The following ZDHHC18 variants were observed in gnomAD, a reference collection of about 807,000 sequenced individuals.
ZDHHC18 encodes palmitoyltransferase ZDHHC18.
ZDHHC18 carries 23 observed loss-of-function variants against 37.5 expected under a neutral mutation model. The ratio of observed to expected loss-of-function variants is 0.61; its 90% CI spans 0.44 to 0.87. The LOEUF (loss-of-function observed/expected upper bound fraction) is 0.87, where lower values mean the gene tolerates loss of function less well. ZDHHC18 is among the 40% of genes least tolerant of loss of function. ZDHHC18 has a pLI of 0.00. For missense variants in ZDHHC18, 406 were observed against 525.6 expected, an observed-to-expected ratio of 0.77 and a Z score of 2.22; for synonymous variants, 185 against 218.7, an observed-to-expected ratio of 0.85 and a Z score of 1.36.
intron 1 of ZDHHC18, among the ~76,000 whole-genome samples, chr1:26,827,626 G>A (rs2081564660): frequency 6.6e-6 from 1 of 151,762 alleles, no homozygotes; most frequent in African/African-American, 2.4e-5. Context: ...TCCTTTGGCT[G>A]TGCACACCCA....
chr1:26,838,235 T>C (rs930765273), intron 2 of ZDHHC18, among the ~76,000 whole-genome samples: 2 of 152,032 alleles, frequency 1.3e-5, no homozygotes, highest in African/African-American at 4.8e-5. Flanking sequence ...CCTCCGGTGA[T>C]CCGCCCGCCT....
intron 2 of ZDHHC18, among the ~76,000 whole-genome samples, chr1:26,836,244 C>T (rs1570667975): frequency 6.6e-6 from 1 of 152,308 alleles, no homozygotes; most frequent in East Asian, 1.9e-4. Context: ...CGTCTCTCTC[C>T]ACTGCCATAC....
chr1:26,849,445 G>A (rs957300130), intron 3 of ZDHHC18, among the ~76,000 whole-genome samples: 3 of 152,216 alleles, frequency 2.0e-5, no homozygotes, highest in African/African-American at 7.2e-5. Flanking sequence ...TGCCAGCTCA[G>A]TACTCCCTAA....
At chr1:26,831,197 A>C (rs1322068773) in intron 1 of ZDHHC18, among the ~76,000 whole-genome samples, 1 of 152,234 alleles carries the variant, frequency 6.6e-6, no homozygotes, top group Non-Finnish European at 1.5e-5. Context: ...CAGAGTTGTC[A>C]AGGTAGGTCC....
intron 3 of ZDHHC18, among the ~76,000 whole-genome samples, chr1:26,849,247 A>G (rs1382258803): frequency 2.6e-5 from 4 of 152,208 alleles, no homozygotes; most frequent in East Asian, 3.8e-4. Context: ...GGATGTCACC[A>G]CTGGAAATGG....
In ZDHHC18 at chr1:26,851,237, T is replaced by A. The variant is rs1432556586; in HGVS notation, c.936+6T>A. ...ACCTGACTACTAATGAAGACGTGAG[T>A]AAACCTGGAGCCACCCCTCATTCTA... On this transcript the variant is annotated splice_donor_region_variant and intron_variant, in intron 6 of 7. Coordinates refer to ENST00000374142, the MANE Select transcript of ZDHHC18 (RefSeq NM_032283.3). 3.7e-6 allele frequency: 6 copies of A among 1,613,410 alleles called. No individual in the cohort carries two copies. The highest frequency in any genetic ancestry group is 5.1e-6 in the Non-Finnish European group (6 of 1,179,450).
At position 26,850,155 on chromosome 1, in the gene ZDHHC18, A is replaced by G; in HGVS notation, c.647-146A>G. 1 of 924,776 alleles carries G rather than the reference A, an allele frequency of 1.1e-6. No individual in the cohort carries two copies. Among genetic ancestry groups the G allele is most frequent in the East Asian group, 2.6e-5 (1 of 37,872 alleles). The allele number at this position is 924,776 out of a possible 1,614,324, so 57.3% of individuals were successfully genotyped here. On this transcript the variant is annotated intron_variant, in intron 3 of 7. Transcript: ENST00000374142. This position sits in a 1 kb window ranked among gnomAD's most constrained non-coding sequence, Gnocchi z 6.1. Reference sequence around the variant, plus strand: ...TGGGAACTGGTACACAAAGGACCAGAGGCAGGTGTGTCCAAGGCCTGGGAG... The same window carrying G: ...TGGGAACTGGTACACAAAGGACCAGGGGCAGGTGTGTCCAAGGCCTGGGAG...
At chr1:26,831,818 T>A (rs2081589832) in intron 1 of ZDHHC18, among the ~76,000 whole-genome samples, 1 of 152,180 alleles carries the variant, frequency 6.6e-6, no homozygotes, top group African/African-American at 2.4e-5. Flanking sequence ...CCCAGCCCTC[T>A]ACTCATTCTT....
chr1:26,848,811 G>A (rs562558557), intron 3 of ZDHHC18, 54 bp downstream of exon 3: 35 of 1,584,178 alleles, frequency 2.2e-5, no homozygotes, highest in Admixed American at 1.5e-4. Context: ...AGACTGAGTC[G>A]TGGGGATGGG....
intron 3 of ZDHHC18, among the ~76,000 whole-genome samples, chr1:26,849,703 G>A (rs1007215611): frequency 1.3e-5 from 2 of 152,380 alleles, no homozygotes; most frequent in Middle Eastern, 3.4e-3. Context: ...CTGTGATGCT[G>A]GCTGGCTGTG....
chr1:26,831,005 A>G (rs1366841146), intron 1 of ZDHHC18, among the ~76,000 whole-genome samples: 1 of 151,960 alleles, frequency 6.6e-6, no homozygotes, highest in Non-Finnish European at 1.5e-5. Flanking sequence ...CTGGTCTCGA[A>G]CTCCTGACCT....
chr1:26,833,423 G>T (rs1430246450), intron 2 of ZDHHC18, among the ~76,000 whole-genome samples: 1 of 151,444 alleles, frequency 6.6e-6, no homozygotes, highest in Non-Finnish European at 1.5e-5. Context: ...GCTAGTTTAG[G>T]TCAGGTGGTC....
At chr1:26,834,522 G>C (rs1173409814) in intron 2 of ZDHHC18, among the ~76,000 whole-genome samples, 1 of 152,168 alleles carries the variant, frequency 6.6e-6, no homozygotes, top group Non-Finnish European at 1.5e-5. Flanking sequence ...CTTGACCCCA[G>C]TTGGGCCAGG....
intron 2 of ZDHHC18, among the ~76,000 whole-genome samples, chr1:26,844,247 C>T (rs985486169): frequency 2.6e-5 from 4 of 152,054 alleles, no homozygotes; most frequent in East Asian, 1.9e-4. Flanking sequence ...CCATGTTGGC[C>T]GGGCTGGTCT....
chr1:26,834,937 CCTG>C (rs2081604338), intron 2 of ZDHHC18, among the ~76,000 whole-genome samples: 1 of 152,198 alleles, frequency 6.6e-6, no homozygotes, highest in Non-Finnish European at 1.5e-5. Context: ...AGGTGGGAGC[CCTG>C]ACCAGCCACT....
Position 26,826,791 on chromosome 1 carries a change from C to T in ZDHHC18, c.-14C>T. On this transcript the variant is annotated 5_prime_UTR_variant, in exon 1 of 8. Transcript: ENST00000374142. This position sits in a 1 kb window ranked among gnomAD's most constrained non-coding sequence, Gnocchi z 5.2. ...GGCCCGCGGGGCGCGGAGCCGAGGC[C>T]CGCGGCTGGCTGCATGAAGGACTGC... 1.0e-6 allele frequency: 1 copy of T among 980,128 alleles called. No individual in the cohort carries two copies. The highest frequency in any genetic ancestry group is 4.5e-5 in the South Asian group (1 of 22,112). The allele number at this position is 980,128 out of a possible 1,614,324, so 60.7% of individuals were successfully genotyped here.
At chr1:26,844,546 C>A (rs2124260810) in intron 2 of ZDHHC18, among the ~76,000 whole-genome samples, 1 of 152,250 alleles carries the variant, frequency 6.6e-6, no homozygotes, top group Middle Eastern at 3.4e-3. Flanking sequence ...AGCACATTAT[C>A]TCATGCACAT....
rs182250103 is a variant in ZDHHC18 at position 26,837,368 on chromosome 1, T to C, written c.496+4761T>C. On this transcript the variant is annotated intron_variant, in intron 2 of 7. Transcript: ENST00000374142. ...TTTAACATATTTAATATGTATAATA[T>C]ACATTTTACATCTATATTTAATATG... 5.2e-3 allele frequency among the ~76,000 whole-genome samples: 775 copies of C among 147,828 alleles called. 7 individuals are homozygous for C. Among genetic ancestry groups the C allele is most frequent in the African/African-American group, 0.018 (735 of 40,802 alleles).
In ZDHHC18 at chr1:26,856,364, G is replaced by C. The variant is rs1385670126; in HGVS notation, c.*2521G>C. 2.7e-6 allele frequency: 1 copy of C among 373,362 alleles called. No individual in the cohort carries two copies. Among genetic ancestry groups the C allele is most frequent in the Non-Finnish European group, 5.8e-6 (1 of 173,396 alleles). 23.1% of individuals were successfully genotyped at this position (373,362 alleles called of 1,614,324 possible). ...CCAACCCCATGGAGCCCGTCCATCT[G>C]TCTGGTGTGTGGTGCGGTGTGTGTG... On this transcript the variant is annotated 3_prime_UTR_variant, in exon 8 of 8. Transcript: ENST00000374142. The surrounding 1 kb of genome is among the most constrained non-coding windows in gnomAD (Gnocchi z 5.2).
Sources: allele counts gnomAD v4.1 joint callset (sites outside exome capture counted in the v4.1 genomes callset), GRCh38; gene constraint gnomAD v4.1.1; non-coding constraint Gnocchi (gnomAD v3.1); transcripts MANE v1.5; gene names NCBI Gene and HGNC (gene_info 2026-07-23, HGNC 2026-07-21).